The following SLAMF1 variants were observed in gnomAD, a reference collection of about 807,000 sequenced individuals.
SLAMF1 encodes the protein signaling lymphocytic activation molecule family member 1, also known as signaling lymphocytic activation molecule.
Under a neutral mutation model 35.1 loss-of-function variants are expected in SLAMF1, and 18 were observed. That is an observed-to-expected ratio of 0.51 (90% CI 0.35 to 0.76). SLAMF1 has a LOEUF of 0.76. Among genes scored for constraint, SLAMF1 ranks in the 30% least tolerant of loss-of-function variants. SLAMF1 has a pLI of 0.01. For missense variants in SLAMF1, 392 were observed against 413.0 expected (o/e 0.95, Z 0.44); for synonymous variants, 168 against 157.2 (o/e 1.07, Z -0.51).
At chr1:160,623,477 T>A (rs959158156) in intron 4 of SLAMF1, 6 of 398,430 alleles carry the variant, frequency 1.5e-5, no homozygotes, top group African/African-American at 4.1e-5. Context: ...CAGCTCAGTG[T>A]TATGAGGATC....
At chr1:160,643,802 C>T (rs1286807055) in intron 1 of SLAMF1, among the ~76,000 whole-genome samples, 1 of 152,078 alleles carries the variant, frequency 6.6e-6, no homozygotes, top group Admixed American at 6.5e-5. Context: ...TTGATATGTA[C>T]AATAGATTAT....
intron 5 of SLAMF1, among the ~76,000 whole-genome samples, chr1:160,617,056 C>T (rs890185065): frequency 1.1e-4 from 17 of 151,420 alleles, no homozygotes; most frequent in African/African-American, 3.4e-4. Flanking sequence ...CTTGGGAGGC[C>T]GAGACAGGAG....
At chr1:160,624,030 G>C (rs899205459) in intron 4 of SLAMF1, 66 bp downstream of exon 4, 13 of 1,167,380 alleles carry the variant, frequency 1.1e-5, no homozygotes, top group Admixed American at 2.2e-5. Context: ...GTCCGAGCCT[G>C]TGGAGAGAGG....
At position 160,621,158 on chromosome 1, in the gene SLAMF1, G is replaced by A. The variant is rs1185183511; in HGVS notation, c.791-1309C>T. Among the ~76,000 whole-genome samples the A allele has an allele frequency of 2.6e-5, 4 of 152,186 alleles. No individual in the cohort carries two copies. In the South Asian group the frequency reaches 6.2e-4, roughly 24 times the overall value. ...TGGGAAAGTGGCAGACTGAAGGATG[G>A]AGGTTTATTATGGGATTATTGCAAA... is the stretch of plus-strand genomic sequence containing the variant. On this transcript the variant is annotated intron_variant, in intron 4 of 6. Transcript: ENST00000302035.
chr1:160,625,878 A>T (rs543435521), intron 3 of SLAMF1, among the ~76,000 whole-genome samples: 118 of 147,514 alleles, frequency 8.0e-4, no homozygotes, highest in Non-Finnish European at 1.6e-3. Flanking sequence ...TGTGTTTGAG[A>T]CAGATTGATT....
chr1:160,644,786 A>C (rs1222057697), intron 1 of SLAMF1, among the ~76,000 whole-genome samples: 2 of 152,196 alleles, frequency 1.3e-5, no homozygotes, highest in African/African-American at 4.8e-5. Flanking sequence ...GCCTAGATTG[A>C]CATCTTGGGA....
At chr1:160,636,234 A>G (rs1359995254) in intron 2 of SLAMF1, among the ~76,000 whole-genome samples, 1 of 152,210 alleles carries the variant, frequency 6.6e-6, no homozygotes, top group African/African-American at 2.4e-5. Flanking sequence ...ACTGCTGGAA[A>G]TGACTCTCAG....
chr1:160,628,522 T>C (rs1014473287), intron 3 of SLAMF1, among the ~76,000 whole-genome samples: 14 of 152,238 alleles, frequency 9.2e-5, no homozygotes, highest in Non-Finnish European at 1.8e-4. Flanking sequence ...CTTTAAATAT[T>C]ATATTTTTCT....
At chr1:160,629,430 G>A (rs192243828) in intron 3 of SLAMF1, among the ~76,000 whole-genome samples, 1 of 152,204 alleles carries the variant, frequency 6.6e-6, no homozygotes, top group South Asian at 2.1e-4. Flanking sequence ...ATACTGCGAC[G>A]TTAGCGTAAC....
In SLAMF1 at chr1:160,612,588, A is replaced by C. The variant is rs747872650; in HGVS notation, c.865-8T>G. 6.4e-7 allele frequency: 1 copy of C among 1,572,454 alleles called. No homozygotes were observed. The highest frequency in any genetic ancestry group is 8.7e-7 in the Non-Finnish European group (1 of 1,143,352). The stretch of plus-strand genomic sequence containing the variant: ...AAGTTTCTTCTGAAGAGGCTACAAG[A>C]GAAGCAAAGAAAGCAGATTAGCTGA... On this transcript the variant is annotated splice_region_variant and splice_polypyrimidine_tract_variant and intron_variant, in intron 5 of 6. Coordinates refer to ENST00000302035, the MANE Select transcript of SLAMF1 (RefSeq NM_003037.5).
chr1:160,634,540 G>T, intron 3 of SLAMF1, 73 bp downstream of exon 3: 3 of 1,467,272 alleles, frequency 2.0e-6, no homozygotes, highest in Non-Finnish European at 2.8e-6. Context: ...CATGGCTGGG[G>T]AGCAATTGGA....
chr1:160,619,150 C>T (rs1342298432), intron 5 of SLAMF1, among the ~76,000 whole-genome samples: 2 of 152,094 alleles, frequency 1.3e-5, no homozygotes, highest in Non-Finnish European at 2.9e-5. Context: ...TGTTGAAAAA[C>T]TACAGTGTCT....
In SLAMF1 at chr1:160,619,766, T is replaced by C. The variant is rs370951485; in HGVS notation, c.864+10A>G. 21 of 1,567,626 alleles carry C rather than the reference T, an allele frequency of 1.3e-5. No individual in the cohort carries two copies. Among genetic ancestry groups the C allele is most frequent in the Non-Finnish European group, 1.8e-5 (20 of 1,137,700 alleles). The stretch of plus-strand genomic sequence containing the variant: ...TGACAGGTTCATCTCAAACAAAATA[T>C]AGAACTTACACCTGGTTTCTGGACT... On this transcript the variant is annotated intron_variant, in intron 5 of 6. Transcript: ENST00000302035.
At chr1:160,638,405 C>G (rs1207546494) in intron 1 of SLAMF1, among the ~76,000 whole-genome samples, 1 of 152,236 alleles carries the variant, frequency 6.6e-6, no homozygotes, top group Non-Finnish European at 1.5e-5. Flanking sequence ...GAGCCTCTTC[C>G]TCCACGGAGC....
At chr1:160,621,643 C>T (rs1659615106) in intron 4 of SLAMF1, among the ~76,000 whole-genome samples, 1 of 151,006 alleles carries the variant, frequency 6.6e-6, no homozygotes, top group Non-Finnish European at 1.5e-5. Flanking sequence ...AAGGGAAAGG[C>T]CCAGTGTGTA....
At chr1:160,627,390 C>T (rs750427287) in intron 3 of SLAMF1, among the ~76,000 whole-genome samples, 1 of 152,274 alleles carries the variant, frequency 6.6e-6, no homozygotes, top group Admixed American at 6.5e-5. Context: ...GTACTCAGTA[C>T]ATAATAGAGT....
intron 6 of SLAMF1, 58 bp from the exon 7 acceptor site, chr1:160,610,856 C>G (rs2102250538): frequency 8.1e-7 from 1 of 1,238,932 alleles, no homozygotes; most frequent in South Asian, 1.2e-5. Context: ...TCACAGAATG[C>G]AAATGAAAAC....
intron 3 of SLAMF1, among the ~76,000 whole-genome samples, chr1:160,627,926 A>AT (rs1212691088): frequency 6.6e-6 from 1 of 152,182 alleles, no homozygotes; most frequent in Non-Finnish European, 1.5e-5. Flanking sequence ...GGTTTCCCCC[A>AT]TGTTGTTCTC....
chr1:160,616,490 G>A (rs1659309062), intron 5 of SLAMF1, among the ~76,000 whole-genome samples: 1 of 151,892 alleles, frequency 6.6e-6, no homozygotes, highest in African/African-American at 2.4e-5. Context: ...ATCCAGTAAT[G>A]CTTAAAAAGG....
Sources: allele counts gnomAD v4.1 joint callset (sites outside exome capture counted in the v4.1 genomes callset), GRCh38; gene constraint gnomAD v4.1.1; transcripts MANE v1.5; gene names NCBI Gene and HGNC (gene_info 2026-07-23, HGNC 2026-07-21).